Variants in ERBB4 observed in about 807,000 individuals in gnomAD.
ERBB4 encodes erb-b2 receptor tyrosine kinase 4, also known as receptor tyrosine-protein kinase erbB-4.
Under a neutral mutation model 158.0 loss-of-function variants are expected in ERBB4, and 42 were observed. The observed-to-expected ratio is 0.27, with a 90% CI of 0.21 to 0.34. The LOEUF (loss-of-function observed/expected upper bound fraction) is 0.34, where lower values mean the gene tolerates loss of function less well. Among genes scored for constraint, ERBB4 ranks in the 10% least tolerant of loss-of-function variants. The probability of loss-of-function intolerance (pLI) is 1.00; values close to 1 mark genes in which losing one functional copy is unlikely to be tolerated. For missense variants in ERBB4, 1,333 were observed against 1,624.1 expected (o/e 0.82, Z 3.08); for synonymous variants, 583 against 558.7 (o/e 1.04, Z -0.61).
intron 19 of ERBB4, among the ~76,000 whole-genome samples, chr2:211,581,239 C>T (rs2068095053): frequency 6.6e-6 from 1 of 151,782 alleles, no homozygotes; most frequent in Non-Finnish European, 1.5e-5. Context: ...TGTAACAAAA[C>T]ATCACCTGTT....
chr2:211,934,591 A>G (rs1461583221), intron 3 of ERBB4, among the ~76,000 whole-genome samples: 1 of 151,986 alleles, frequency 6.6e-6, no homozygotes, highest in African/African-American at 2.4e-5. Flanking sequence ...AATTCTCTAA[A>G]AAATAAATAC....
At chr2:212,419,521 ATGTG>A (rs1490011040) in intron 1 of ERBB4, among the ~76,000 whole-genome samples, 7 of 151,854 alleles carry the variant, frequency 4.6e-5, no homozygotes, top group Non-Finnish European at 1.0e-4. Context: ...GATACTATGT[ATGTG>A]TGTGTTTGTA....
chr2:211,695,943 CTTTCTTTTT>C (rs2073004065), intron 12 of ERBB4, among the ~76,000 whole-genome samples: 1 of 149,898 alleles, frequency 6.7e-6, no homozygotes, highest in African/African-American at 2.5e-5. Context: ...TCTTTCTTTT[CTTTCTTTTT>C]ATTTCTTCTT....
intron 1 of ERBB4, among the ~76,000 whole-genome samples, chr2:212,298,810 C>A (rs1162999172): frequency 1.3e-5 from 2 of 151,720 alleles, no homozygotes; most frequent in African/African-American, 2.4e-5. Flanking sequence ...AGGTGAGTAG[C>A]ATTTTAATGG....
intron 3 of ERBB4, among the ~76,000 whole-genome samples, chr2:211,829,322 T>C (rs17335770): frequency 0.029 from 4,397 of 152,232 alleles, 99 homozygotes; most frequent in Non-Finnish European, 0.04. Flanking sequence ...TAGTAAATAG[T>C]TATCAGTCTG....
At chr2:211,909,126 A>C (rs2079475567) in intron 3 of ERBB4, among the ~76,000 whole-genome samples, 1 of 151,732 alleles carries the variant, frequency 6.6e-6, no homozygotes, top group Admixed American at 6.6e-5. Context: ...CTGTTATGAT[A>C]GTATTCAATG....
intron 1 of ERBB4, among the ~76,000 whole-genome samples, chr2:212,278,025 C>T (rs2085610871): frequency 2.0e-5 from 3 of 151,460 alleles, no homozygotes; most frequent in South Asian, 2.1e-4. Context: ...AATTCATTAT[C>T]GATTGTTGAT....
chr2:211,772,551 G>T (rs2106269572), intron 4 of ERBB4, among the ~76,000 whole-genome samples: 1 of 151,832 alleles, frequency 6.6e-6, no homozygotes. Flanking sequence ...TATCTTCAAT[G>T]ACAACACATG....
At chr2:211,580,845 T>TATAC (rs1277261577) in intron 19 of ERBB4, among the ~76,000 whole-genome samples, 1 of 27,220 alleles carries the variant, frequency 3.7e-5, no homozygotes, top group Non-Finnish European at 1.2e-4. Flanking sequence ...GATTATATAT[T>TATAC]ATATATATAG....
At chr2:212,219,537 C>T (rs917163010) in intron 1 of ERBB4, among the ~76,000 whole-genome samples, 1 of 151,252 alleles carries the variant, frequency 6.6e-6, no homozygotes, top group Non-Finnish European at 1.5e-5. Context: ...TTTTTGGTCA[C>T]CTTCTCCCAC....
chr2:211,904,556 C>T (rs2079326383), intron 3 of ERBB4, among the ~76,000 whole-genome samples: 1 of 152,012 alleles, frequency 6.6e-6, no homozygotes, highest in Non-Finnish European at 1.5e-5. Flanking sequence ...GACATTTAAA[C>T]ATAATATATG....
At chr2:212,404,237 G>A (rs1377603329) in intron 1 of ERBB4, among the ~76,000 whole-genome samples, 1 of 151,960 alleles carries the variant, frequency 6.6e-6, no homozygotes, top group Non-Finnish European at 1.5e-5. Context: ...GCCAAGTCAA[G>A]ACTAGAATTA....
At chr2:212,242,705 G>T (rs1461594865) in intron 1 of ERBB4, among the ~76,000 whole-genome samples, 2 of 152,076 alleles carry the variant, frequency 1.3e-5, no homozygotes, top group East Asian at 3.8e-4. Context: ...TCTCAAATTT[G>T]TATTAAAGGT....
intron 1 of ERBB4, among the ~76,000 whole-genome samples, chr2:212,373,704 T>C (rs1226907601): frequency 6.7e-6 from 1 of 148,190 alleles, no homozygotes; most frequent in Non-Finnish European, 1.5e-5. Context: ...TATATCCATA[T>C]ATATATCCAC....
At chr2:212,161,923 T>C (rs142301978) in intron 1 of ERBB4, among the ~76,000 whole-genome samples, 78 of 151,992 alleles carry the variant, frequency 5.1e-4, no homozygotes, top group African/African-American at 1.8e-3. Context: ...CATCAGTTCA[T>C]AAATGACAAT....
chr2:211,449,300 C>T (rs548139240), intron 20 of ERBB4, among the ~76,000 whole-genome samples: 1 of 152,218 alleles, frequency 6.6e-6, no homozygotes, highest in East Asian at 1.9e-4. Context: ...GATGTTTCCT[C>T]AATAGTTTAA....
chr2:211,815,957 G>A (rs1030826385), intron 3 of ERBB4, among the ~76,000 whole-genome samples: 1 of 152,044 alleles, frequency 6.6e-6, no homozygotes, highest in Non-Finnish European at 1.5e-5. Context: ...GGGAGTGTTG[G>A]GGGTGAGGGA....
At chr2:211,996,986 G>C (rs2082214644) in intron 2 of ERBB4, among the ~76,000 whole-genome samples, 1 of 152,252 alleles carries the variant, frequency 6.6e-6, no homozygotes, top group Admixed American at 6.5e-5. Context: ...AGGACTAAAG[G>C]TTTGTGATAC....
At chr2:212,219,202 T>C (rs7567236) in intron 1 of ERBB4, among the ~76,000 whole-genome samples, 9,649 of 151,418 alleles carry the variant, frequency 0.064, 359 homozygotes, top group Non-Finnish European at 0.082. Flanking sequence ...TTTTAAAAAA[T>C]TGGTAAATGG....
Sources: gnomAD v4.1 joint callset for allele counts (sites outside exome capture counted in the v4.1 genomes callset) on GRCh38, gnomAD v4.1.1 for gene constraint, MANE v1.5 for transcripts, NCBI Gene and HGNC (gene_info 2026-07-23, HGNC 2026-07-21) for gene names.